The following N4BP2L2 variants were observed in gnomAD, a reference collection of about 807,000 sequenced individuals.
N4BP2L2 encodes the protein NEDD4 binding protein 2 like 2.
N4BP2L2 carries 50 observed loss-of-function variants against 56.2 expected under a neutral mutation model. That is an observed-to-expected ratio of 0.89 (90% CI 0.71 to 1.13). The LOEUF (loss-of-function observed/expected upper bound fraction) is 1.13, where lower values mean the gene tolerates loss of function less well. Among genes scored for constraint, N4BP2L2 ranks in the 50% most tolerant of loss-of-function variants. N4BP2L2 has a pLI of 0.00. For missense variants in N4BP2L2, 689 were observed against 693.8 expected, an observed-to-expected ratio of 0.99 and a Z score of 0.08; for synonymous variants, 203 against 223.6, an observed-to-expected ratio of 0.91 and a Z score of 0.82.
intron 7 of N4BP2L2, among the ~76,000 whole-genome samples, chr13:32,439,700 T>C (rs2075979305): frequency 6.6e-6 from 1 of 152,024 alleles, no homozygotes; most frequent in African/African-American, 2.4e-5. Context: ...TCTTTGGTGT[T>C]AGTAGGCGGG....
At chr13:32,434,523 TCAGGAGGAGCCTTAAGATGGGGACC>T (rs1217550490) in intron 9 of N4BP2L2, among the ~76,000 whole-genome samples, 1 of 152,170 alleles carries the variant, frequency 6.6e-6, no homozygotes, top group African/African-American at 2.4e-5. Context: ...ACACAGCTAG[TCAGGAGGAGCCTTAAGATGGGGACC>T]CATCCTCTTC....
intron 6 of N4BP2L2, among the ~76,000 whole-genome samples, chr13:32,457,046 C>A (rs1396326570): frequency 1.3e-5 from 2 of 152,012 alleles, no homozygotes; most frequent in South Asian, 2.1e-4. Context: ...GGCTGAGGCA[C>A]AGGAATTGCT....
chr13:32,507,337 A>G (rs988831411), downstream of N4BP2L2: 1 of 152,140 alleles, frequency 6.6e-6, no homozygotes, highest in African/African-American at 2.4e-5. Flanking sequence ...AAGGTTATGA[A>G]GAAAATACAT....
At chr13:32,459,923 T>C (rs1428486195) in intron 6 of N4BP2L2, among the ~76,000 whole-genome samples, 2 of 151,980 alleles carry the variant, frequency 1.3e-5, no homozygotes, top group African/African-American at 2.4e-5. Flanking sequence ...TATGAACAAA[T>C]GGAATCTAAC....
exon 4 of N4BP2L2, chr13:32,522,203 T>C (rs1187056312): frequency 1.3e-6 from 2 of 1,566,072 alleles, no homozygotes; most frequent in Admixed American, 1.9e-5. Flanking sequence ...ATGGCTTCAT[T>C]TCCCAAGCTT....
chr13:32,535,070 A>G (rs979113172), intron 2 of N4BP2L2, among the ~76,000 whole-genome samples: 1 of 152,238 alleles, frequency 6.6e-6, no homozygotes, highest in Non-Finnish European at 1.5e-5. Context: ...AATCAATGGT[A>G]TGAACATGGC....
chr13:32,472,821 T>C, intron 6 of N4BP2L2, among the ~76,000 whole-genome samples: 1 of 152,168 alleles, frequency 6.6e-6, no homozygotes, highest in East Asian at 1.9e-4. Flanking sequence ...TTTTAGACAG[T>C]AAAGCAATTC....
At chr13:32,517,483 T>C (rs191074149) in exon 6 of N4BP2L2, 4 of 1,050,874 alleles carry the variant, frequency 3.8e-6, no homozygotes, top group East Asian at 7.7e-5. Flanking sequence ...AACTGTTCAA[T>C]AGTGTCTATA....
chr13:32,531,384 C>G (rs1447470347), intron 2 of N4BP2L2, among the ~76,000 whole-genome samples: 1 of 152,130 alleles, frequency 6.6e-6, no homozygotes, highest in African/African-American at 2.4e-5. Context: ...AAAACAAGGC[C>G]TACAAGAGAG....
chr13:32,527,669 A>T, intron 2 of N4BP2L2, 137 bp from the exon 3 acceptor site: 8 of 935,004 alleles, frequency 8.6e-6, no homozygotes, highest in Non-Finnish European at 1.1e-5. Flanking sequence ...TACTTACCTG[A>T]AAGTATATCA....
chr13:32,443,823 G>A (rs746474033), exon 7 of N4BP2L2: 308 of 1,586,334 alleles, frequency 1.9e-4, no homozygotes, highest in Admixed American at 4.6e-4. Flanking sequence ...TAGACATAAC[G>A]TTTTGGAAAC....
At chr13:32,483,399 T>A (rs905347303) in intron 6 of N4BP2L2, among the ~76,000 whole-genome samples, 2 of 152,220 alleles carry the variant, frequency 1.3e-5, no homozygotes, top group African/African-American at 4.8e-5. Flanking sequence ...TTAACCTCTA[T>A]ATTCTTATCT....
intron 6 of N4BP2L2, among the ~76,000 whole-genome samples, chr13:32,450,125 T>C (rs1172957406): frequency 1.3e-5 from 2 of 152,218 alleles, no homozygotes; most frequent in South Asian, 2.1e-4. Flanking sequence ...ATAATATCTA[T>C]AGAAATTAAC....
At position 32,527,633 on chromosome 13, in the gene N4BP2L2, G is replaced by C. The variant is rs931295897; in HGVS notation, c.1260-101C>G. 4.4e-6 allele frequency: 6 copies of C among 1,348,792 alleles called. No individual in the cohort carries two copies. The African/African-American group carries it at 7.4e-5, about 17-fold the overall frequency. 83.6% of individuals were successfully genotyped at this position (1,348,792 alleles called of 1,614,324 possible). ...ATAACCAAGTGAAATAAATCACACA[G>C]GAAAGGTTATTAAATGGATTTCTGA... is the stretch of plus-strand genomic sequence containing the variant. On this transcript the variant is annotated intron_variant, in intron 2 of 5. Coordinates refer to ENST00000267068, the Ensembl canonical transcript of N4BP2L2.
intron 6 of N4BP2L2, among the ~76,000 whole-genome samples, chr13:32,494,697 C>A (rs1244157523): frequency 1.3e-5 from 2 of 152,108 alleles, no homozygotes; most frequent in African/African-American, 2.4e-5. Flanking sequence ...ACCCGGGAGG[C>A]GGAGCTTGCA....
intron 6 of N4BP2L2, among the ~76,000 whole-genome samples, chr13:32,502,514 C>A (rs1345532872): frequency 6.6e-6 from 1 of 152,104 alleles, no homozygotes; most frequent in Non-Finnish European, 1.5e-5. Flanking sequence ...AAAATAAGAA[C>A]TATTTCAGCT....
exon 6 of N4BP2L2, chr13:32,517,406 T>TCA: frequency 1.0e-6 from 1 of 997,830 alleles, no homozygotes; most frequent in Non-Finnish European, 1.2e-6. Flanking sequence ...TTCTTGCATA[T>TCA]TTAAGGTAGT....
intron 6 of N4BP2L2, among the ~76,000 whole-genome samples, chr13:32,451,011 T>C (rs2077915328): frequency 6.6e-6 from 1 of 151,896 alleles, no homozygotes; most frequent in Admixed American, 6.6e-5. Flanking sequence ...CCACCGCACC[T>C]GGCCTAAAAT....
intron 6 of N4BP2L2, among the ~76,000 whole-genome samples, chr13:32,489,728 C>T (rs973763544): frequency 6.7e-6 from 1 of 148,840 alleles, no homozygotes; most frequent in Non-Finnish European, 1.5e-5. Flanking sequence ...TATTACAAAT[C>T]TAGTTTAATC....
Sources: gnomAD v4.1 joint callset for allele counts (sites outside exome capture counted in the v4.1 genomes callset) on GRCh38, gnomAD v4.1.1 for gene constraint, MANE v1.5 for transcripts, NCBI Gene and HGNC (gene_info 2026-07-23, HGNC 2026-07-21) for gene names.